Variants in TRPM1 observed in about 807,000 individuals in gnomAD.
TRPM1 encodes the protein transient receptor potential cation channel subfamily M member 1, also known as TRPM1-203 APA Isoform, Intron 10.
A neutral mutation model predicts 149.4 loss-of-function variants in TRPM1; 113 were observed. The observed-to-expected ratio is 0.76, with a 90% CI of 0.65 to 0.88. TRPM1 has a LOEUF of 0.88. TRPM1 is among the 40% of genes least tolerant of loss of function. The pLI is 0.00. For synonymous variants in TRPM1, 741 were observed against 759.5 expected (o/e 0.98, Z 0.40); for missense variants, 1,976 against 2,038.7 (o/e 0.97, Z 0.59).
intron 13 of TRPM1, among the ~76,000 whole-genome samples, chr15:31,048,426 A>G (rs2033844674): frequency 6.6e-6 from 1 of 152,204 alleles, no homozygotes; most frequent in South Asian, 2.1e-4. Flanking sequence ...AGTATCCAAC[A>G]CATTTCAAAA....
At chr15:31,102,131 A>C (rs1219452852), upstream of TRPM1, among the ~76,000 whole-genome samples, 1 of 152,230 alleles carries the variant, frequency 6.6e-6, no homozygotes, top group Non-Finnish European at 1.5e-5. Flanking sequence ...AATTACTGCT[A>C]ATCCTTCCTC....
intron 16 of TRPM1, among the ~76,000 whole-genome samples, chr15:31,043,979 A>G (rs185168470): frequency 2.0e-5 from 3 of 152,306 alleles, no homozygotes; most frequent in South Asian, 2.1e-4. Context: ...ATATTACCAT[A>G]GTTGAGTAAG....
intron 22 of TRPM1, among the ~76,000 whole-genome samples, chr15:31,031,616 C>A (rs1263049514): frequency 1.3e-5 from 2 of 152,206 alleles, no homozygotes; most frequent in African/African-American, 4.8e-5. Flanking sequence ...ACTGTGGATA[C>A]TAAACTGGTA....
At chr15:31,059,691 GCCA>G (rs1319277987) in intron 11 of TRPM1, among the ~76,000 whole-genome samples, 3 of 152,170 alleles carry the variant, frequency 2.0e-5, no homozygotes, top group African/African-American at 2.4e-5. Context: ...ACAGGTGTGA[GCCA>G]CCACATCTGG....
At chr15:31,089,534 C>T (rs2035160881) in intron 1 of TRPM1, among the ~76,000 whole-genome samples, 1 of 152,180 alleles carries the variant, frequency 6.6e-6, no homozygotes, top group South Asian at 2.1e-4. Flanking sequence ...CATTCCCGGG[C>T]AGCGGTGGAT....
At chr15:31,026,579 A>G (rs548909458) in intron 26 of TRPM1, among the ~76,000 whole-genome samples, 1 of 152,350 alleles carries the variant, frequency 6.6e-6, no homozygotes, top group South Asian at 2.1e-4. Flanking sequence ...TCAAACGTAT[A>G]GCATTATTTT....
intron 11 of TRPM1, among the ~76,000 whole-genome samples, chr15:31,059,485 A>G (rs1464245683): frequency 1.3e-5 from 2 of 152,318 alleles, no homozygotes; most frequent in East Asian, 3.9e-4. Flanking sequence ...AGCTAACTGT[A>G]ACCTCAGATT....
chr15:31,037,076 A>G (rs2959042), intron 20 of TRPM1, among the ~76,000 whole-genome samples: 119,030 of 152,232 alleles, frequency 0.78, 47,232 homozygotes, highest in East Asian at 0.95. Context: ...GGCCACCCCC[A>G]CTGGGACCGC....
chr15:31,106,268 A>G (rs1019960052), upstream of TRPM1, among the ~76,000 whole-genome samples: 2 of 151,636 alleles, frequency 1.3e-5, no homozygotes, highest in African/African-American at 4.9e-5. Flanking sequence ...CCTTGCAAAT[A>G]GCTGGGACTA....
chr15:31,114,488 C>T (rs1218446532), intron 1 of TRPM1, among the ~76,000 whole-genome samples: 3 of 152,116 alleles, frequency 2.0e-5, no homozygotes, highest in African/African-American at 7.2e-5. Flanking sequence ...TCCCAATGAA[C>T]TCCAAGCATA....
intron 27 of TRPM1, 99 bp from the exon 28 acceptor site, chr15:31,003,169 T>A (rs1242336332): frequency 1.8e-5 from 19 of 1,074,276 alleles, no homozygotes; most frequent in Non-Finnish European, 2.5e-5. Context: ...AGAATTTTAA[T>A]ACATATGGAA....
chr15:31,113,900 G>C (rs1003739337), intron 1 of TRPM1, among the ~76,000 whole-genome samples: 1 of 152,162 alleles, frequency 6.6e-6, no homozygotes, highest in African/African-American at 2.4e-5. Flanking sequence ...GCTGGCTAAC[G>C]GGTGGGCAGC....
intron 1 of TRPM1, among the ~76,000 whole-genome samples, chr15:31,140,439 G>T (rs1455104166): frequency 2.0e-5 from 3 of 152,142 alleles, no homozygotes; most frequent in Non-Finnish European, 4.4e-5. Context: ...TGGAAGTGGG[G>T]CCTAATGGGA....
chr15:31,003,278 A>G (rs1161432381), intron 27 of TRPM1, among the ~76,000 whole-genome samples: 1 of 152,258 alleles, frequency 6.6e-6, no homozygotes, highest in Non-Finnish European at 1.5e-5. Flanking sequence ...TAGTTAATGC[A>G]TATAGTACTT....
intron 1 of TRPM1, among the ~76,000 whole-genome samples, chr15:31,110,802 C>G (rs1311912660): frequency 1.3e-5 from 2 of 152,096 alleles, no homozygotes; most frequent in Non-Finnish European, 2.9e-5. Flanking sequence ...CTGTCTGATT[C>G]TAAGAACCTT....
At chr15:31,113,486 A>T (rs1234534068) in intron 1 of TRPM1, among the ~76,000 whole-genome samples, 1 of 151,944 alleles carries the variant, frequency 6.6e-6, no homozygotes, top group Non-Finnish European at 1.5e-5. Flanking sequence ...GTCAAACAAT[A>T]TCTTAAAGAC....
intron 1 of TRPM1, among the ~76,000 whole-genome samples, chr15:31,147,327 A>G (rs2036235688): frequency 6.6e-6 from 1 of 152,252 alleles, no homozygotes; most frequent in African/African-American, 2.4e-5. Context: ...CTGAATTTCC[A>G]TAAACATTTT....
rs948481839 is a variant in TRPM1 at position 31,030,977 on chromosome 15, T to C, written c.3127+6A>G. 1 of 1,614,096 alleles carries C rather than the reference T, an allele frequency of 6.2e-7. No individual in the cohort carries two copies. Among genetic ancestry groups the C allele is most frequent in the Non-Finnish European group, 8.5e-7 (1 of 1,180,038 alleles). ...AAGAGAATCTTACTATGAATTCTAC[T>C]CTTACGGTCTATCTGGTCTGCAAAC... On this transcript the variant is annotated splice_donor_region_variant and intron_variant, in intron 23 of 27. Coordinates refer to ENST00000256552, the MANE Select transcript of TRPM1 (RefSeq NM_001252024.2).
intron 16 of TRPM1, among the ~76,000 whole-genome samples, chr15:31,043,350 G>A (rs760429434): frequency 2.0e-5 from 3 of 152,084 alleles, no homozygotes; most frequent in Non-Finnish European, 4.4e-5. Flanking sequence ...CCGCCACCAC[G>A]CCCGGCTAAT....
Sources: allele counts gnomAD v4.1 joint callset (sites outside exome capture counted in the v4.1 genomes callset), GRCh38; gene constraint gnomAD v4.1.1; transcripts MANE v1.5; gene names NCBI Gene and HGNC (gene_info 2026-07-23, HGNC 2026-07-21).